RABGAP1: variants seen among roughly 807,000 people sequenced by gnomAD.
RABGAP1 encodes RAB GTPase activating protein 1.
In RABGAP1, 23 loss-of-function variants were observed where a neutral mutation model predicts 137.6. That is an observed-to-expected ratio of 0.17 (90% CI 0.12 to 0.24). RABGAP1 has a LOEUF of 0.24. Among genes scored for constraint, RABGAP1 ranks in the 10% least tolerant of loss-of-function variants. RABGAP1 has a pLI of 1.00. For missense variants in RABGAP1, 906 were observed against 1,275.8 expected (o/e 0.71, Z 4.42); for synonymous variants, 451 against 450.7 (o/e 1.00, Z -0.01).
chr9:123,082,096 TTGTC>T (rs1019303081), intron 19 of RABGAP1, among the ~76,000 whole-genome samples: 60 of 152,188 alleles, frequency 3.9e-4, no homozygotes, highest in Admixed American at 1.5e-3. Context: ...TTATAAATCT[TTGTC>T]TGTCTCAGTC....
At chr9:122,996,678 A>T in intron 8 of RABGAP1, 73 bp downstream of exon 8, 1 of 1,232,920 alleles carries the variant, frequency 8.1e-7, no homozygotes, top group Non-Finnish European at 1.2e-6. Flanking sequence ...TTCTCATCTG[A>T]ATCTAGTGTT....
chr9:123,036,596 C>G (rs193205980), intron 13 of RABGAP1, among the ~76,000 whole-genome samples: 2 of 152,222 alleles, frequency 1.3e-5, no homozygotes, highest in African/African-American at 2.4e-5. Context: ...GCAACTGAGT[C>G]AGAAAGTATA....
Position 122,957,082 on chromosome 9 carries a change from GA to G in RABGAP1, c.28del (p.Ile10SerfsTer43). ...GTTATGGATGACAAGGCTTCTGTTG[GA>G]AAAATCAGTGTCTCTTCAGACTCAG... MDDKASVGKISVSSDSVS... is the reference protein window; with the variant it reads MDDKASVXKISVSSDSVS... On this transcript the variant is annotated frameshift_variant, in exon 2 of 26. Coordinates refer to ENST00000373647, the MANE Select transcript of RABGAP1 (RefSeq NM_012197.4). LOFTEE classifies it high-confidence loss of function. 6.6e-7 allele frequency: 1 copy of G among 1,525,148 alleles called. No homozygotes were observed. The highest frequency in any genetic ancestry group is 1.3e-5 in the South Asian group (1 of 77,802). 94.5% of individuals were successfully genotyped at this position (1,525,148 alleles called of 1,614,324 possible).
intron 6 of RABGAP1, among the ~76,000 whole-genome samples, chr9:122,993,987 G>A (rs1836883239): frequency 6.6e-6 from 1 of 152,064 alleles, no homozygotes; most frequent in Admixed American, 6.6e-5. Context: ...TTCATTCAAA[G>A]TACCATTCAA....
chr9:123,048,519 A>G (rs1479651400), intron 13 of RABGAP1, among the ~76,000 whole-genome samples: 1 of 152,244 alleles, frequency 6.6e-6, no homozygotes, highest in Non-Finnish European at 1.5e-5. Flanking sequence ...CAAAATCTTT[A>G]AACAAATAGT....
chr9:122,971,067 C>T (rs1312048950), intron 2 of RABGAP1, among the ~76,000 whole-genome samples: 1 of 152,116 alleles, frequency 6.6e-6, no homozygotes, highest in East Asian at 1.9e-4. Context: ...GAGGTAAGGC[C>T]TTGGGTTTAG....
intron 13 of RABGAP1, among the ~76,000 whole-genome samples, chr9:123,026,665 T>C (rs1387831015): frequency 6.6e-6 from 1 of 152,200 alleles, no homozygotes; most frequent in South Asian, 2.1e-4. Flanking sequence ...TCATGGCTTC[T>C]CTTACCTCCA....
chr9:122,959,957 A>G (rs1394485412), intron 2 of RABGAP1, among the ~76,000 whole-genome samples: 1 of 152,222 alleles, frequency 6.6e-6, no homozygotes, highest in Non-Finnish European at 1.5e-5. Context: ...CTCCAAAGCC[A>G]TGTCTCAGAG....
At chr9:123,092,802 T>A (rs1188995586) in intron 21 of RABGAP1, among the ~76,000 whole-genome samples, 1 of 152,146 alleles carries the variant, frequency 6.6e-6, no homozygotes, top group Non-Finnish European at 1.5e-5. Flanking sequence ...ATGAGGAAAC[T>A]GAAGCAAAAA....
At chr9:122,939,522 G>C (rs1833455347), upstream of RABGAP1, 1 of 151,792 alleles carries the variant, frequency 6.6e-6, no homozygotes, top group South Asian at 2.1e-4. Flanking sequence ...TTTTTTTGTT[G>C]TTGTTTTAGC....
chr9:123,073,590 C>A lies in RABGAP1; in HGVS notation c.2022C>A (p.Ile674=). ...AGGCATTCAGTGTTCTGGTCAAGAT[C>A]ATGTTTGACTATGGGCTCAGGGAAC... ...EEQAFSVLVK[I]MFDYGLRELF... Residue 674 remains isoleucine (I), a synonymous_variant, in exon 16 of 26, where the codon ATC becomes ATA. Coordinates refer to ENST00000373647, the MANE Select transcript of RABGAP1 (RefSeq NM_012197.4). The A allele has an allele frequency of 1.9e-6, 3 of 1,613,874 alleles. No individual in the cohort carries two copies. The highest frequency in any genetic ancestry group is 2.5e-6 in the Non-Finnish European group (3 of 1,179,810).
intron 1 of RABGAP1, among the ~76,000 whole-genome samples, chr9:122,949,897 C>A (rs1834141073): frequency 6.6e-6 from 1 of 151,980 alleles, no homozygotes; most frequent in Admixed American, 6.6e-5. Context: ...ATTGCGGAAA[C>A]AAAAACACAT....
rs142655064 is a variant in RABGAP1 at position 122,974,309 on chromosome 9, G to A, written c.151-10176G>A. 2.0e-5 allele frequency among the ~76,000 whole-genome samples: 3 copies of A among 151,886 alleles called. No individual in the cohort carries two copies. In the East Asian group the frequency reaches 5.8e-4, roughly 29 times the overall value. ...CTGTACAAACAAGTGAGCCTGTAAC[G>A]TGGTAAGATCCAGAAGCTTGAAAGA... On this transcript the variant is annotated intron_variant, in intron 2 of 25. Coordinates refer to ENST00000373647, the MANE Select transcript of RABGAP1 (RefSeq NM_012197.4).
chr9:122,946,742 T>G (rs1013227537), intron 1 of RABGAP1, among the ~76,000 whole-genome samples: 1 of 152,312 alleles, frequency 6.6e-6, no homozygotes, highest in Non-Finnish European at 1.5e-5. Context: ...AATTAAAGTG[T>G]GTTTCCTGAA....
intron 13 of RABGAP1, among the ~76,000 whole-genome samples, chr9:123,039,478 C>A (rs1229651939): frequency 6.6e-6 from 1 of 152,134 alleles, no homozygotes; most frequent in Non-Finnish European, 1.5e-5. Context: ...CTTCTCCCTT[C>A]TGTAAGGTAT....
intron 19 of RABGAP1, among the ~76,000 whole-genome samples, chr9:123,086,221 C>G (rs1000390082): frequency 8.5e-5 from 13 of 152,138 alleles, no homozygotes; most frequent in Non-Finnish European, 1.9e-4. Flanking sequence ...TAGGAGTGAG[C>G]CAGGTATGAG....
intron 15 of RABGAP1, among the ~76,000 whole-genome samples, chr9:123,073,208 T>A (rs2034410938): frequency 6.6e-6 from 1 of 152,204 alleles, no homozygotes; most frequent in Non-Finnish European, 1.5e-5. Flanking sequence ...AATTCTGTCC[T>A]TTCTACAAAG....
rs370698607 is a variant in RABGAP1 at position 123,076,298 on chromosome 9, T to C, written c.2295+12T>C. 3.7e-5 allele frequency: 59 copies of C among 1,602,642 alleles called. No homozygotes were observed. Among genetic ancestry groups the C allele is most frequent in the Admixed American group, 5.0e-5 (3 of 59,538 alleles). ...TTGGATTATTAAAGGTACTCATTTA[T>C]TTATTAGCTGAGTTATCTGTCATTC... is the stretch of plus-strand genomic sequence containing the variant. On this transcript the variant is annotated intron_variant, in intron 18 of 25. Coordinates refer to ENST00000373647, the MANE Select transcript of RABGAP1 (RefSeq NM_012197.4).
intron 21 of RABGAP1, among the ~76,000 whole-genome samples, chr9:123,096,599 C>T (rs746108873): frequency 2.0e-5 from 3 of 152,180 alleles, no homozygotes; most frequent in Non-Finnish European, 4.4e-5. Context: ...GACTGAGTCT[C>T]GCACTGTTGC....
Sources: allele counts gnomAD v4.1 joint callset (sites outside exome capture counted in the v4.1 genomes callset), GRCh38; gene constraint gnomAD v4.1.1; transcripts MANE v1.5; gene names NCBI Gene and HGNC (gene_info 2026-07-23, HGNC 2026-07-21).